The following ZDHHC21 variants were observed in gnomAD, a reference collection of about 807,000 sequenced individuals.
The protein encoded by ZDHHC21 is palmitoyltransferase ZDHHC21.
Under a neutral mutation model 34.6 loss-of-function variants are expected in ZDHHC21, and 15 were observed. The observed-to-expected ratio is 0.43, with a 90% CI of 0.29 to 0.67. ZDHHC21 has a LOEUF of 0.67. Among genes scored for constraint, ZDHHC21 ranks in the 30% least tolerant of loss-of-function variants. ZDHHC21 has a pLI of 0.14. For missense variants in ZDHHC21, 344 were observed against 327.7 expected (o/e 1.05, Z -0.38); for synonymous variants, 142 against 101.8 (o/e 1.40, Z -2.38).
rs1826408879 is a variant in ZDHHC21 at position 14,627,133 on chromosome 9, A to G, written c.622-7451T>C. On this transcript the variant is annotated intron_variant, in intron 8 of 9. Transcript: ENST00000380916. ...GCAGAATACTAGGCAAAATTTAACTATAGGAATTAATCATTTGAGGACTAC... is the reference window on the plus strand; with the variant it reads ...GCAGAATACTAGGCAAAATTTAACTGTAGGAATTAATCATTTGAGGACTAC... Among the ~76,000 whole-genome samples, 4 of 152,142 alleles carry G rather than the reference A, an allele frequency of 2.6e-5. No individual in the cohort carries two copies. The South Asian group carries it at 8.3e-4, about 32-fold the overall frequency.
intron 8 of ZDHHC21, among the ~76,000 whole-genome samples, chr9:14,639,074 C>T (rs1159966648): frequency 6.6e-6 from 1 of 152,040 alleles, no homozygotes; most frequent in Non-Finnish European, 1.5e-5. Context: ...TATCACAGCA[C>T]TATTCACAAG....
chr9:14,638,568 TA>T (rs1395132481), intron 8 of ZDHHC21, among the ~76,000 whole-genome samples: 2 of 151,560 alleles, frequency 1.3e-5, no homozygotes, highest in African/African-American at 4.8e-5. Flanking sequence ...AGCTGTATAG[TA>T]AACAATCAAC....
At chr9:14,626,504 GT>G (rs1289134369) in intron 8 of ZDHHC21, among the ~76,000 whole-genome samples, 64 of 151,938 alleles carry the variant, frequency 4.2e-4, no homozygotes, top group African/African-American at 1.5e-3. Flanking sequence ...TTTTTAATTA[GT>G]TTTATCAAAA....
At chr9:14,600,880 G>A in the ZDHHC21 span, among the ~76,000 whole-genome samples, 1 of 152,162 alleles carries the variant, frequency 6.6e-6, no homozygotes, top group East Asian at 1.9e-4. Context: ...TGACAAATAT[G>A]ACAAAAACAA....
At chr9:14,680,477 A>T (rs35315519) in intron 2 of ZDHHC21, among the ~76,000 whole-genome samples, 2,888 of 152,284 alleles carry the variant, frequency 0.019, 29 homozygotes, top group Non-Finnish European at 0.031. Flanking sequence ...CTTGACCACA[A>T]ATCACAAAAT....
chr9:14,691,119 G>A (rs1213073956), intron 1 of ZDHHC21, among the ~76,000 whole-genome samples: 1 of 152,128 alleles, frequency 6.6e-6, no homozygotes, highest in Non-Finnish European at 1.5e-5. Context: ...AGTTTTCACT[G>A]AGTCACATTC....
At chr9:14,651,805 G>A (rs995593956) in intron 7 of ZDHHC21, among the ~76,000 whole-genome samples, 5 of 151,754 alleles carry the variant, frequency 3.3e-5, no homozygotes, top group South Asian at 2.1e-4. Flanking sequence ...CTGCTTATAA[G>A]CATTTAAAGT....
chr9:14,600,447 A>G, the ZDHHC21 span, among the ~76,000 whole-genome samples: 9 of 152,160 alleles, frequency 5.9e-5, no homozygotes, highest in Non-Finnish European at 1.2e-4. Context: ...ACTTACAAGG[A>G]ATGTGAAGGA....
rs1824573387 is a variant in ZDHHC21, at chr9:14,618,022, A to C, written c.*944T>G. 6.6e-6 allele frequency: 1 copy of C among 152,516 alleles called. No homozygotes were observed. The highest frequency in any genetic ancestry group is 2.1e-4 in the South Asian group (1 of 4,832). The allele number at this position is 152,516 out of a possible 1,614,324, so 9.4% of individuals were successfully genotyped here. A position where few individuals can be genotyped will look rare whatever the true frequency, so the allele number is the denominator to read the frequency against. The stretch of plus-strand genomic sequence containing the variant: ...TAAAAGTAAAAAGTATACTCTTTTC[A>C]AAAGCACAATATTCCTCTTTATACT... On this transcript the variant is annotated 3_prime_UTR_variant, in exon 10 of 10. Transcript: ENST00000380916.
downstream of ZDHHC21, among the ~76,000 whole-genome samples, chr9:14,610,759 T>C (rs571284335): frequency 6.6e-6 from 1 of 152,146 alleles, no homozygotes; most frequent in African/African-American, 2.4e-5. Flanking sequence ...TGCTATAAAA[T>C]AGTGTCTGCC....
intron 8 of ZDHHC21, among the ~76,000 whole-genome samples, chr9:14,625,685 T>C (rs1170265630): frequency 1.3e-5 from 2 of 151,882 alleles, no homozygotes; most frequent in Non-Finnish European, 2.9e-5. Context: ...AATACCTCAA[T>C]TACCTCAAAA....
chr9:14,633,896 C>T (rs1827809286), intron 8 of ZDHHC21, among the ~76,000 whole-genome samples: 1 of 152,142 alleles, frequency 6.6e-6, no homozygotes. Flanking sequence ...GGATGCCATC[C>T]CCACCCAAAC....
intron 5 of ZDHHC21, among the ~76,000 whole-genome samples, chr9:14,668,084 T>C (rs1440370177): frequency 7.6e-5 from 7 of 91,694 alleles, no homozygotes; most frequent in Admixed American, 7.2e-4. Flanking sequence ...GATGACATGA[T>C]TGTTTATCTA....
At chr9:14,661,455 C>T (rs187555986) in intron 6 of ZDHHC21, among the ~76,000 whole-genome samples, 22 of 152,254 alleles carry the variant, frequency 1.4e-4, no homozygotes, top group East Asian at 1.4e-3. Flanking sequence ...TATACAGATA[C>T]ATTTGTCAAA....
intron 2 of ZDHHC21, among the ~76,000 whole-genome samples, chr9:14,688,321 CG>C (rs1838659714): frequency 6.6e-6 from 1 of 150,766 alleles, no homozygotes; most frequent in East Asian, 1.9e-4. Context: ...TACAGGGGAG[CG>C]AAGGAGAGAG....
intron 1 of ZDHHC21, among the ~76,000 whole-genome samples, chr9:14,692,463 C>G (rs1478046020): frequency 6.6e-6 from 1 of 151,858 alleles, no homozygotes; most frequent in African/African-American, 2.4e-5. Context: ...TTCTCTTCTA[C>G]TTTTAGAGAC....
In ZDHHC21 at chr9:14,615,007, GT is replaced by G. The variant is rs368829292; in HGVS notation, c.*3958del. Reference sequence around the variant, plus strand: ...CAAGAGAAGCAGAGACTAGAGAAAAGTCCAGAGAGAGACTAGCAGCTCTATT... The same window carrying G: ...CAAGAGAAGCAGAGACTAGAGAAAAGCCAGAGAGAGACTAGCAGCTCTATT... On this transcript the variant is annotated 3_prime_UTR_variant, in exon 10 of 10. Coordinates refer to ENST00000380916, the MANE Select transcript of ZDHHC21 (RefSeq NM_178566.6). 278 of 151,776 alleles carry G rather than the reference GT, an allele frequency of 1.8e-3. 4 individuals are homozygous for G. The highest frequency in any genetic ancestry group is 6.3e-3 in the African/African-American group (263 of 41,512). The allele number at this position is 151,776 out of a possible 1,614,324, so 9.4% of individuals were successfully genotyped here.
the ZDHHC21 span, among the ~76,000 whole-genome samples, chr9:14,590,787 A>G: frequency 6.6e-6 from 1 of 152,206 alleles, no homozygotes; most frequent in Admixed American, 6.5e-5. Flanking sequence ...CTACATGAAA[A>G]CTAGGATCTA....
intron 1 of ZDHHC21, among the ~76,000 whole-genome samples, chr9:14,692,348 T>C (rs923552716): frequency 6.6e-6 from 1 of 152,240 alleles, no homozygotes; most frequent in Non-Finnish European, 1.5e-5. Context: ...GCTGAGGACC[T>C]ATTTAACACA....
Sources: gnomAD v4.1 joint callset for allele counts (sites outside exome capture counted in the v4.1 genomes callset) on GRCh38, gnomAD v4.1.1 for gene constraint, MANE v1.5 for transcripts, NCBI Gene and HGNC (gene_info 2026-07-23, HGNC 2026-07-21) for gene names.